ENTREP2: variants seen among roughly 807,000 people sequenced by gnomAD.
ENTREP2 encodes endosomal transmembrane epsin interactor 2, also known as protein ENTREP2.
chr15:29,343,027 T>TGGAG, the ENTREP2 span, among the ~76,000 whole-genome samples: 17 of 130,886 alleles, frequency 1.3e-4, no homozygotes, highest in Non-Finnish European at 2.6e-4. Flanking sequence ...TAAAAAGGAA[T>TGGAG]GGGGGGGGTG....
the ENTREP2 span, among the ~76,000 whole-genome samples, chr15:29,462,211 TGG>T: frequency 6.6e-6 from 1 of 152,160 alleles, no homozygotes; most frequent in African/African-American, 2.4e-5. Context: ...GCTATGAACA[TGG>T]CTGTGCAAAT....
At chr15:29,289,605 G>A in the ENTREP2 span, among the ~76,000 whole-genome samples, 2 of 152,100 alleles carry the variant, frequency 1.3e-5, no homozygotes, top group African/African-American at 4.8e-5. Flanking sequence ...CAGCACTTTG[G>A]GAGGCCGAGG....
chr15:29,462,751 G>A, the ENTREP2 span, among the ~76,000 whole-genome samples: 1 of 152,088 alleles, frequency 6.6e-6, no homozygotes, highest in Non-Finnish European at 1.5e-5. Flanking sequence ...TTCTCTCTGG[G>A]CATGACCCCT....
chr15:29,204,323 C>A, the ENTREP2 span, among the ~76,000 whole-genome samples: 8 of 152,126 alleles, frequency 5.3e-5, no homozygotes, highest in Non-Finnish European at 1.0e-4. Flanking sequence ...GAGGGGGATG[C>A]CCCCACGATT....
At chr15:29,624,212 C>G in the ENTREP2 span, among the ~76,000 whole-genome samples, 1 of 152,166 alleles carries the variant, frequency 6.6e-6, no homozygotes, top group Non-Finnish European at 1.5e-5. Flanking sequence ...ACACAATATC[C>G]ATTCTCTCAT....
chr15:29,594,931 G>T, the ENTREP2 span, among the ~76,000 whole-genome samples: 1 of 151,940 alleles, frequency 6.6e-6, no homozygotes, highest in Non-Finnish European at 1.5e-5. Context: ...AGCCGGGCGT[G>T]GTGGCAGGCA....
At chr15:29,367,276 G>C in the ENTREP2 span, among the ~76,000 whole-genome samples, 1 of 152,080 alleles carries the variant, frequency 6.6e-6, no homozygotes, top group Non-Finnish European at 1.5e-5. Flanking sequence ...TGAGGGAAGG[G>C]AACAAAGCTG....
the ENTREP2 span, among the ~76,000 whole-genome samples, chr15:29,261,026 T>C: frequency 6.6e-6 from 1 of 152,066 alleles, no homozygotes; most frequent in Non-Finnish European, 1.5e-5. Context: ...TGCTTAGAAA[T>C]AGATTACGCA....
chr15:29,457,092 G>A, the ENTREP2 span, among the ~76,000 whole-genome samples: 1 of 152,170 alleles, frequency 6.6e-6, no homozygotes, highest in Non-Finnish European at 1.5e-5. Context: ...TTCCCCAGTG[G>A]CTCCAGCAGA....
the ENTREP2 span, among the ~76,000 whole-genome samples, chr15:29,520,050 C>G: frequency 1.4e-4 from 22 of 152,160 alleles, no homozygotes; most frequent in Non-Finnish European, 2.8e-4. Flanking sequence ...CTGCCCCACT[C>G]AGCCCACTTG....
At chr15:29,228,278 C>T in the ENTREP2 span, among the ~76,000 whole-genome samples, 1 of 152,110 alleles carries the variant, frequency 6.6e-6, no homozygotes, top group African/African-American at 2.4e-5. Flanking sequence ...AAGATCACGC[C>T]ACTGCACTCT....
the ENTREP2 span, among the ~76,000 whole-genome samples, chr15:29,295,876 T>C: frequency 1.8e-4 from 27 of 152,160 alleles, no homozygotes; most frequent in African/African-American, 6.3e-4. Context: ...AATATTCCAT[T>C]TAGTATTTGC....
chr15:29,660,834 T>C, the ENTREP2 span, among the ~76,000 whole-genome samples: 1 of 152,170 alleles, frequency 6.6e-6, no homozygotes, highest in African/African-American at 2.4e-5. Context: ...CAACGAGGAT[T>C]GAAAATACAG....
the ENTREP2 span, among the ~76,000 whole-genome samples, chr15:29,645,282 A>G: frequency 2.0e-5 from 3 of 152,138 alleles, no homozygotes; most frequent in African/African-American, 4.8e-5. Context: ...CTAAATGGTG[A>G]AAAAAAATAG....
the ENTREP2 span, chr15:29,269,433 C>T: frequency 6.2e-7 from 1 of 1,614,150 alleles, no homozygotes; most frequent in Non-Finnish European, 8.5e-7. Context: ...ACTGCACCAG[C>T]TCGGACACTT....
chr15:29,331,650 G>T, the ENTREP2 span, among the ~76,000 whole-genome samples: 1 of 152,214 alleles, frequency 6.6e-6, no homozygotes, highest in South Asian at 2.1e-4. Context: ...ATTCAGCAAT[G>T]ACAGCATGAT....
chr15:29,549,792 A>C, the ENTREP2 span, among the ~76,000 whole-genome samples: 1 of 152,308 alleles, frequency 6.6e-6, no homozygotes, highest in South Asian at 2.1e-4. Flanking sequence ...TACCAGAGTA[A>C]GCAAGGGCAT....
At chr15:29,442,370 A>G in the ENTREP2 span, among the ~76,000 whole-genome samples, 1 of 152,320 alleles carries the variant, frequency 6.6e-6, no homozygotes, top group South Asian at 2.1e-4. Flanking sequence ...TCTTTGGGAA[A>G]CACAGCCGCA....
chr15:29,655,315 G>A, the ENTREP2 span, among the ~76,000 whole-genome samples: 71 of 152,246 alleles, frequency 4.7e-4, no homozygotes, highest in African/African-American at 1.2e-3. Context: ...TTTGAATCTT[G>A]TGGTTCACTT....
Sources: allele counts gnomAD v4.1 joint callset (sites outside exome capture counted in the v4.1 genomes callset), GRCh38; gene constraint gnomAD v4.1.1; transcripts MANE v1.5; gene names NCBI Gene and HGNC (gene_info 2026-07-23, HGNC 2026-07-21).